MAPKAP1: variants seen among roughly 807,000 people sequenced by gnomAD.
MAPKAP1 encodes the protein MAPK associated protein 1.
A neutral mutation model predicts 65.7 loss-of-function variants in MAPKAP1; 20 were observed. The ratio of observed to expected loss-of-function variants is 0.30; its 90% confidence interval spans 0.21 to 0.44. MAPKAP1 has a LOEUF of 0.44. Among genes scored for constraint, MAPKAP1 ranks in the 20% least tolerant of loss-of-function variants. The probability of loss-of-function intolerance (pLI) is 1.00; values close to 1 mark genes in which losing one functional copy is unlikely to be tolerated. For missense variants in MAPKAP1, 423 were observed against 648.0 expected, an observed-to-expected ratio of 0.65 and a Z score of 3.77; for synonymous variants, 222 against 244.3, an observed-to-expected ratio of 0.91 and a Z score of 0.85.
chr9:125,575,078 A>C (rs1831351967), intron 5 of MAPKAP1, among the ~76,000 whole-genome samples: 1 of 152,232 alleles, frequency 6.6e-6, no homozygotes, highest in Admixed American at 6.5e-5. Context: ...TTGGCCAGGC[A>C]TGGTGGCTCA....
At chr9:125,637,068 A>T (rs1833445556) in intron 4 of MAPKAP1, among the ~76,000 whole-genome samples, 1 of 152,170 alleles carries the variant, frequency 6.6e-6, no homozygotes, top group African/African-American at 2.4e-5. Flanking sequence ...CAGAAGTTTG[A>T]GACCAGCCTG....
At chr9:125,456,534 C>T (rs891776481) in intron 10 of MAPKAP1, among the ~76,000 whole-genome samples, 3 of 152,286 alleles carry the variant, frequency 2.0e-5, no homozygotes, top group African/African-American at 4.8e-5. Flanking sequence ...CTGGACCTAG[C>T]GACTTGCTTC....
chr9:125,547,663 G>T (rs544218256), intron 6 of MAPKAP1, among the ~76,000 whole-genome samples: 7 of 152,076 alleles, frequency 4.6e-5, no homozygotes, highest in Non-Finnish European at 7.4e-5. Context: ...ATCGGGGGGT[G>T]GGAGTCTCAA....
At chr9:125,701,450 G>T (rs1041888379) in intron 1 of MAPKAP1, among the ~76,000 whole-genome samples, 1 of 152,110 alleles carries the variant, frequency 6.6e-6, no homozygotes, top group African/African-American at 2.4e-5. Context: ...GGCTGTTAGC[G>T]GTATCCGCAT....
At chr9:125,688,131 ATC>A (rs1306841200) in intron 1 of MAPKAP1, among the ~76,000 whole-genome samples, 14 of 152,016 alleles carry the variant, frequency 9.2e-5, no homozygotes, top group Admixed American at 6.6e-5. Context: ...CTTCTAGACT[ATC>A]TCATTTTTTT....
chr9:125,643,516 T>G (rs148758656), intron 4 of MAPKAP1, among the ~76,000 whole-genome samples: 1 of 152,120 alleles, frequency 6.6e-6, no homozygotes, highest in African/African-American at 2.4e-5. Flanking sequence ...TTTTTTAATC[T>G]TTTTATTCAC....
intron 4 of MAPKAP1, among the ~76,000 whole-genome samples, chr9:125,608,763 C>A (rs1832513117): frequency 6.6e-6 from 1 of 152,172 alleles, no homozygotes; most frequent in South Asian, 2.1e-4. Flanking sequence ...GCTGCCTTAA[C>A]CTTCCAGTAA....
At chr9:125,503,817 A>G (rs1829053877) in intron 8 of MAPKAP1, among the ~76,000 whole-genome samples, 1 of 147,616 alleles carries the variant, frequency 6.8e-6, no homozygotes, top group African/African-American at 2.5e-5. Context: ...CTCAGGCCCA[A>G]GCGATTCTCG....
intron 7 of MAPKAP1, chr9:125,521,817 C>T: frequency 7.7e-6 from 12 of 1,562,576 alleles, no homozygotes; most frequent in South Asian, 1.1e-5. Context: ...TATCTTCAAC[C>T]TTCTCTGAGC....
chr9:125,590,331 T>G (rs1195740196), intron 4 of MAPKAP1, among the ~76,000 whole-genome samples: 1 of 152,250 alleles, frequency 6.6e-6, no homozygotes, highest in Admixed American at 6.5e-5. Flanking sequence ...GCAGGAACAC[T>G]AATAATACTG....
At position 125,494,375 on chromosome 9, in the gene MAPKAP1, C is replaced by A. The variant is rs566963416; in HGVS notation, c.1067-9792G>T. 1.3e-3 allele frequency among the ~76,000 whole-genome samples: 200 copies of A among 152,314 alleles called. 1 individual carries two copies. The highest frequency in any genetic ancestry group is 2.1e-3 in the Non-Finnish European group (142 of 68,030). On this transcript the variant is annotated intron_variant, in intron 8 of 11. Transcript: ENST00000265960. ...TCGGGATCACGCAGTAGGATATACC[C>A]TTCACTAGAATCTGCCATGCTACCA...
At chr9:125,454,609 T>A (rs1331192254) in intron 10 of MAPKAP1, among the ~76,000 whole-genome samples, 3 of 152,232 alleles carry the variant, frequency 2.0e-5, no homozygotes, top group Non-Finnish European at 2.9e-5. Flanking sequence ...CAAAAGGCTC[T>A]ATGTTGTGCC....
intron 1 of MAPKAP1, among the ~76,000 whole-genome samples, chr9:125,686,873 C>G (rs747260386): frequency 6.6e-6 from 1 of 151,864 alleles, no homozygotes; most frequent in African/African-American, 2.4e-5. Flanking sequence ...GTTGCCCAGG[C>G]TGAGGTGCAG....
At chr9:125,489,318 G>A (rs1210175374) in intron 8 of MAPKAP1, among the ~76,000 whole-genome samples, 1 of 152,160 alleles carries the variant, frequency 6.6e-6, no homozygotes, top group Non-Finnish European at 1.5e-5. Context: ...ATGCTGAACT[G>A]GGTCTCCTCG....
intron 6 of MAPKAP1, among the ~76,000 whole-genome samples, chr9:125,551,353 A>G (rs1830579105): frequency 6.6e-6 from 1 of 152,186 alleles, no homozygotes; most frequent in African/African-American, 2.4e-5. Context: ...AGTAAAGAGC[A>G]TGAATGAACC....
intron 8 of MAPKAP1, among the ~76,000 whole-genome samples, chr9:125,504,957 T>C (rs1193354919): frequency 1.3e-5 from 2 of 152,250 alleles, no homozygotes; most frequent in East Asian, 1.9e-4. Context: ...AGCAGATCTA[T>C]ATGAAGGGCA....
chr9:125,560,932 CCAA>C (rs950673797), intron 5 of MAPKAP1, among the ~76,000 whole-genome samples: 2 of 152,182 alleles, frequency 1.3e-5, no homozygotes, highest in Admixed American at 1.3e-4. Flanking sequence ...GGAAACTATA[CCAA>C]CATACAGACA....
At chr9:125,647,089 G>T (rs1833748107) in intron 4 of MAPKAP1, among the ~76,000 whole-genome samples, 1 of 152,050 alleles carries the variant, frequency 6.6e-6, no homozygotes, top group Non-Finnish European at 1.5e-5. Context: ...AACTTCATAC[G>T]GACAATTAAA....
chr9:125,521,759 C>G (rs747566536), intron 7 of MAPKAP1: 2 of 1,612,766 alleles, frequency 1.2e-6, no homozygotes, highest in Non-Finnish European at 1.7e-6. Context: ...AATTTAGTCA[C>G]AAGCACCTAA....
Sources: allele counts gnomAD v4.1 joint callset (sites outside exome capture counted in the v4.1 genomes callset), GRCh38; gene constraint gnomAD v4.1.1; transcripts MANE v1.5; gene names NCBI Gene and HGNC (gene_info 2026-07-23, HGNC 2026-07-21).